MPRIP: variants seen among roughly 807,000 people sequenced by gnomAD.
MPRIP encodes myosin phosphatase Rho-interacting protein.
In MPRIP, 59 loss-of-function variants were observed where a neutral mutation model predicts 234.9. That is an observed-to-expected ratio of 0.25 (90% CI 0.20 to 0.31). The LOEUF is 0.31. MPRIP is among the 10% of genes least tolerant of loss of function. The pLI, the probability that MPRIP is intolerant of heterozygous loss-of-function variation, is 1.00. For synonymous variants in MPRIP, 1,144 were observed against 1,263.9 expected (o/e 0.91, Z 2.01); for missense variants, 2,436 against 3,071.0 (o/e 0.79, Z 4.89).
At chr17:17,159,868 T>C (rs1271813835) in intron 14 of MPRIP, among the ~76,000 whole-genome samples, 1 of 152,258 alleles carries the variant, frequency 6.6e-6, no homozygotes. Context: ...TTCTCATCTT[T>C]TTTGTATTTT....
chr17:17,141,412 A>G (rs1401426940), intron 7 of MPRIP: 1 of 152,244 alleles, frequency 6.6e-6, no homozygotes, highest in African/African-American at 2.4e-5. Context: ...TGCTGGTTCT[A>G]GCAGGCTGGC....
At chr17:17,097,968 T>G (rs1247928829) in intron 3 of MPRIP, among the ~76,000 whole-genome samples, 3 of 152,156 alleles carry the variant, frequency 2.0e-5, no homozygotes, top group Non-Finnish European at 4.4e-5. Context: ...AAAATCTTAT[T>G]TTAGATCCTG....
intron 1 of MPRIP, among the ~76,000 whole-genome samples, chr17:17,071,155 G>A (rs1005483992): frequency 1.3e-5 from 2 of 152,144 alleles, no homozygotes; most frequent in African/African-American, 2.4e-5. Context: ...CGGGGTGTGG[G>A]GCACCTCACA....
chr17:17,126,673 C>T lies in MPRIP; in HGVS notation c.268-29C>T, dbSNP rs768448481. ...CATCTGTGGCCCCATTGGCTGGCCTCTGGGTGACTCTCTGCCGCCTTCTTC... is the reference window on the plus strand; with the variant it reads ...CATCTGTGGCCCCATTGGCTGGCCTTTGGGTGACTCTCTGCCGCCTTCTTC... On this transcript the variant is annotated intron_variant, in intron 3 of 23. Coordinates refer to ENST00000651222, the MANE Select transcript of MPRIP (RefSeq NM_001364716.4). 1.9e-5 allele frequency: 30 copies of T among 1,596,104 alleles called. No homozygotes were observed. The African/African-American group carries it at 2.1e-4, about 11-fold the overall frequency.
At chr17:17,076,344 C>T (rs2089327419) in intron 2 of MPRIP, 1 of 152,414 alleles carries the variant, frequency 6.6e-6, no homozygotes, top group African/African-American at 2.4e-5. Flanking sequence ...CAAAACTCTC[C>T]TTCCTCACAA....
intron 15 of MPRIP, among the ~76,000 whole-genome samples, chr17:17,162,900 A>G (rs759948105): frequency 1.3e-5 from 2 of 152,200 alleles, no homozygotes; most frequent in African/African-American, 2.4e-5. Flanking sequence ...GGGATACTCA[A>G]CTTGTACTAA....
intron 3 of MPRIP, among the ~76,000 whole-genome samples, chr17:17,090,665 G>C (rs1258724501): frequency 6.6e-6 from 1 of 152,170 alleles, no homozygotes; most frequent in Non-Finnish European, 1.5e-5. Context: ...GAGGTAAAAA[G>C]AAATCACACA....
intron 3 of MPRIP, among the ~76,000 whole-genome samples, chr17:17,108,840 G>A (rs1015183380): frequency 6.6e-6 from 1 of 152,246 alleles, no homozygotes; most frequent in African/African-American, 2.4e-5. Context: ...ACACCATGTG[G>A]CATGGCAGCG....
chr17:17,116,907 C>T (rs1006637926), intron 3 of MPRIP, among the ~76,000 whole-genome samples: 10 of 152,208 alleles, frequency 6.6e-5, no homozygotes, highest in Admixed American at 1.3e-4. Flanking sequence ...AGAATCTGCA[C>T]GGTACTCAGC....
chr17:17,148,294 C>A (rs1262067797), intron 11 of MPRIP, among the ~76,000 whole-genome samples: 1 of 152,138 alleles, frequency 6.6e-6, no homozygotes, highest in Non-Finnish European at 1.5e-5. Context: ...GTCTGTAGAC[C>A]TCTGGGGGTC....
chr17:17,057,162 C>T (rs1296051900), intron 1 of MPRIP, among the ~76,000 whole-genome samples: 7 of 152,196 alleles, frequency 4.6e-5, no homozygotes, highest in Non-Finnish European at 8.8e-5. Flanking sequence ...CTGCAGACTG[C>T]TGGGTGGGAG....
chr17:17,133,375 C>G lies in MPRIP; in HGVS notation c.504+1674C>G, dbSNP rs558883729. On this transcript the variant is annotated intron_variant, in intron 5 of 23. Transcript: ENST00000651222. ...TTGTCAAGTCAGTCTTGTGGGGTGACGTGGGGGCACTGCAGAGGAGCAGCA... is the reference window on the plus strand; with the variant it reads ...TTGTCAAGTCAGTCTTGTGGGGTGAGGTGGGGGCACTGCAGAGGAGCAGCA... 2.6e-5 allele frequency among the ~76,000 whole-genome samples: 4 copies of G among 152,068 alleles called. No individual in the cohort carries two copies. The South Asian group carries it at 8.3e-4, about 32-fold the overall frequency.
chr17:17,152,343 G>T (rs1439220153), intron 12 of MPRIP, among the ~76,000 whole-genome samples: 1 of 152,210 alleles, frequency 6.6e-6, no homozygotes, highest in African/African-American at 2.4e-5. Flanking sequence ...CTCCAGGCAG[G>T]GCACACCTGA....
rs941882552 is a variant in MPRIP at position 17,167,309 on chromosome 17, C to T, written c.5718C>T (p.Ile1906=). The T allele has an allele frequency of 3.1e-6, 4 of 1,303,864 alleles. No individual in the cohort carries two copies. In the African/African-American group the frequency reaches 4.6e-5, roughly 15 times the overall value. 80.8% of individuals were successfully genotyped at this position (1,303,864 alleles called of 1,614,324 possible). A position where few individuals can be genotyped will look rare whatever the true frequency, so the allele number is the denominator to read the frequency against. Residue 1906 remains isoleucine, a synonymous_variant, in exon 16 of 24, where the codon ATC becomes ATT. Coordinates refer to ENST00000651222, the MANE Select transcript of MPRIP (RefSeq NM_001364716.4). This position sits in a 1 kb window ranked among gnomAD's most constrained non-coding sequence, Gnocchi z 5.9. The part of the protein sequence containing the change: ...RKQKSEYLDV[I]AIVERENAEL... ...AGAAGAGCGAGTACCTGGATGTGAT[C>T]GCCATTGTTGAAAGGGAGAATGCAG... is the stretch of plus-strand genomic sequence containing the variant.
Position 17,153,151 on chromosome 17 carries a change from C to T in MPRIP, c.1720-1155C>T, listed in dbSNP as rs182617246. Among the ~76,000 whole-genome samples the T allele has an allele frequency of 1.3e-3, 202 of 152,226 alleles. No homozygotes were observed. The Middle Eastern group carries it at 0.02, about 15-fold the overall frequency. On this transcript the variant is annotated intron_variant, in intron 12 of 23. Transcript: ENST00000651222. ...GATATGAGAACTGATGAAGGAGGAC[C>T]GAGCTGGGCAGTGGTGGTGTCTTGA...
intron 1 of MPRIP, among the ~76,000 whole-genome samples, chr17:17,045,288 T>C (rs2088311309): frequency 6.6e-6 from 1 of 152,188 alleles, no homozygotes; most frequent in Non-Finnish European, 1.5e-5. Flanking sequence ...GGAGCAGACA[T>C]TTCTCTGAGC....
chr17:17,172,071 C>T (rs147354947), intron 17 of MPRIP, among the ~76,000 whole-genome samples: 240 of 152,334 alleles, frequency 1.6e-3, no homozygotes, highest in African/African-American at 5.1e-3. Context: ...GCGCACACTT[C>T]GACCCCTGAC....
At position 17,077,878 on chromosome 17, in the gene MPRIP, A is replaced by G. The variant is rs1002789500; in HGVS notation, c.202-133A>G. Reference sequence around the variant, plus strand: ...TGCCTCGGGTCCCTCTTTTCCTGCCACCTGCCCCAGAAGTGGAATCTGTGG... The same window carrying G: ...TGCCTCGGGTCCCTCTTTTCCTGCCGCCTGCCCCAGAAGTGGAATCTGTGG... On this transcript the variant is annotated intron_variant, in intron 2 of 23. Transcript: ENST00000651222. The G allele has an allele frequency of 1.0e-4, 84 of 843,046 alleles. No homozygotes were observed. The African/African-American group carries it at 1.3e-3, about 13-fold the overall frequency. 52.2% of individuals were successfully genotyped at this position (843,046 alleles called of 1,614,324 possible). A position where few individuals can be genotyped will look rare whatever the true frequency, so the allele number is the denominator to read the frequency against.
intron 17 of MPRIP, 57 bp downstream of exon 17, chr17:17,171,922 G>C (rs2046146025): frequency 6.4e-7 from 1 of 1,552,398 alleles, no homozygotes; most frequent in Non-Finnish European, 8.7e-7. Context: ...TTTTGAGCTA[G>C]ACACACAACT....
Sources: allele counts gnomAD v4.1 joint callset (sites outside exome capture counted in the v4.1 genomes callset), GRCh38; gene constraint gnomAD v4.1.1; non-coding constraint Gnocchi (gnomAD v3.1); transcripts MANE v1.5; gene names NCBI Gene and HGNC (gene_info 2026-07-23, HGNC 2026-07-21).